Variants in NUP214 observed in about 807,000 individuals in gnomAD.
The protein encoded by NUP214 is nuclear pore complex protein Nup214.
Under a neutral mutation model 196.2 loss-of-function variants are expected in NUP214, and 79 were observed. That is an observed-to-expected ratio of 0.40 (90% CI 0.34 to 0.49). NUP214 has a LOEUF of 0.49. Ranked by LOEUF, NUP214 falls within the 20% of genes least tolerant of loss-of-function variation. The pLI is 0.58. For missense variants in NUP214, 2,468 were observed against 2,539.0 expected, an observed-to-expected ratio of 0.97 and a Z score of 0.60; for synonymous variants, 1,020 against 990.5, an observed-to-expected ratio of 1.03 and a Z score of -0.56.
chr9:131,229,319 G>GT (rs1834807875), intron 33 of NUP214: 1 of 174,374 alleles, frequency 5.7e-6, no homozygotes. Flanking sequence ...GATGCCTTAG[G>GT]TTTGCCCTCA....
chr9:131,220,436 G>A (rs1331217055), intron 31 of NUP214, among the ~76,000 whole-genome samples: 1 of 152,224 alleles, frequency 6.6e-6, no homozygotes, highest in Non-Finnish European at 1.5e-5. Context: ...AGCTCCTTGA[G>A]AGACTGTAAA....
chr9:131,130,018 G>A (rs995040203), intron 4 of NUP214, among the ~76,000 whole-genome samples: 1 of 151,052 alleles, frequency 6.6e-6, no homozygotes, highest in Non-Finnish European at 1.5e-5. Flanking sequence ...GTTTAGAAGT[G>A]TTTTTTGGGA....
rs528397802 is a variant in NUP214, at chr9:131,221,179, C to T, written c.5750-1599C>T. Among the ~76,000 whole-genome samples the T allele has an allele frequency of 3.3e-5, 5 of 152,256 alleles. 1 individual carries two copies. Among genetic ancestry groups the T allele is most frequent in the Admixed American group, 3.3e-4 (5 of 15,300 alleles). On this transcript the variant is annotated intron_variant, in intron 31 of 35. Transcript: ENST00000359428. ...GGGGAAGGTCAAACTGCTCAGAAGG[C>T]CATTTTGTGGGACTCCGTCAAGGGA...
intron 32 of NUP214, among the ~76,000 whole-genome samples, chr9:131,223,809 A>G (rs1834649043): frequency 1.5e-5 from 2 of 134,290 alleles, no homozygotes. Context: ...ATCTCGGCTC[A>G]CTGCAAGCTC....
intron 14 of NUP214, chr9:131,150,035 G>T: frequency 4.2e-6 from 1 of 240,414 alleles, no homozygotes; most frequent in Non-Finnish European, 8.3e-6. Context: ...ATGTTTCCCT[G>T]TTTGTTCTCC....
In NUP214 at chr9:131,195,223, C is replaced by T. The variant is rs766864208; in HGVS notation, c.3660-10C>T. The T allele has an allele frequency of 3.8e-6, 6 of 1,596,512 alleles. No homozygotes were observed. The highest frequency in any genetic ancestry group is 5.1e-6 in the Non-Finnish European group (6 of 1,169,896). On this transcript the variant is annotated splice_polypyrimidine_tract_variant and intron_variant, in intron 27 of 35. Transcript: ENST00000359428. ...TGTTCCTTTTTAATTTCTCTTTTTC[C>T]ACTTGTTAGGACTGGCTTTAATTTT...
In NUP214 at chr9:131,146,328, T is replaced by C. The variant is rs372666492; in HGVS notation, c.1945+24T>C. 106 of 1,608,404 alleles carry C rather than the reference T, an allele frequency of 6.6e-5. No homozygotes were observed. The African/African-American group carries it at 1.4e-3, about 21-fold the overall frequency. ...AGGTATGATTTTAAGCAGACAACTT[T>C]AGACCTCAGCCCTGCCTTCTCAGAT... is the stretch of plus-strand genomic sequence containing the variant. On this transcript the variant is annotated intron_variant, in intron 13 of 35. Coordinates refer to ENST00000359428, the MANE Select transcript of NUP214 (RefSeq NM_005085.4). This position sits in a 1 kb window ranked among gnomAD's most constrained non-coding sequence, Gnocchi z 4.6.
At chr9:131,216,643 C>G (rs1376972759) in intron 31 of NUP214, among the ~76,000 whole-genome samples, 1 of 151,518 alleles carries the variant, frequency 6.6e-6, no homozygotes, top group Admixed American at 6.6e-5. Context: ...TCTCCCAGCT[C>G]AGCTTCCCGA....
intron 17 of NUP214, among the ~76,000 whole-genome samples, chr9:131,156,997 G>A (rs1187748353): frequency 6.6e-6 from 1 of 151,848 alleles, no homozygotes; most frequent in South Asian, 2.1e-4. Flanking sequence ...ACAGAGTTTT[G>A]CTATGTAGCC....
At chr9:131,157,967 G>A (rs1487483327) in intron 17 of NUP214, among the ~76,000 whole-genome samples, 4 of 152,086 alleles carry the variant, frequency 2.6e-5, no homozygotes, top group Non-Finnish European at 5.9e-5. Context: ...ATTTTTAGTA[G>A]AGATGGGGTT....
intron 31 of NUP214, chr9:131,222,455 C>T (rs1834588609): frequency 4.6e-6 from 1 of 217,320 alleles, no homozygotes; most frequent in East Asian, 1.0e-4. Context: ...GCTGGGCAGT[C>T]TTGACACTTG....
intron 33 of NUP214, chr9:131,230,289 A>G (rs1340299813): frequency 1.7e-5 from 4 of 232,904 alleles, no homozygotes; most frequent in Non-Finnish European, 1.7e-5. Context: ...GAGAAATGCT[A>G]AAATGATAGA....
intron 13 of NUP214, among the ~76,000 whole-genome samples, chr9:131,147,022 GT>G (rs1004376573): frequency 4.0e-5 from 6 of 151,418 alleles, no homozygotes; most frequent in African/African-American, 1.5e-4. Flanking sequence ...GTTTTGTTTT[GT>G]TTTTTGAGAC....
Position 131,146,059 on chromosome 9 carries a change from C to A in NUP214, c.1770-70C>A. The A allele has an allele frequency of 1.5e-6, 2 of 1,337,276 alleles. No individual in the cohort carries two copies. Among genetic ancestry groups the A allele is most frequent in the Non-Finnish European group, 2.1e-6 (2 of 948,342 alleles). The allele number at this position is 1,337,276 out of a possible 1,614,324, so 82.8% of individuals were successfully genotyped here. On this transcript the variant is annotated intron_variant, in intron 12 of 35. Transcript: ENST00000359428. The surrounding 1 kb of genome is among the most constrained non-coding windows in gnomAD (Gnocchi z 4.6). ...AAGATAATAAGTTATCTTTTGATGA[C>A]ATTGCTCATGCTAGTGTAAAAGAAT...
chr9:131,223,632 G>A (rs2131096403), intron 32 of NUP214, among the ~76,000 whole-genome samples: 1 of 150,900 alleles, frequency 6.6e-6, no homozygotes, highest in Non-Finnish European at 1.5e-5. Context: ...CATTATTTGT[G>A]AGGGTCAAAG....
chr9:131,164,563 A>G (rs1204924379), intron 21 of NUP214: 2 of 155,856 alleles, frequency 1.3e-5, no homozygotes, highest in East Asian at 1.9e-4. Flanking sequence ...AAATAAATAA[A>G]TAATAGAAAA....
At chr9:131,182,726 CAT>C (rs2131014981) in intron 24 of NUP214, among the ~76,000 whole-genome samples, 1 of 152,200 alleles carries the variant, frequency 6.6e-6, no homozygotes, top group Admixed American at 6.5e-5. Context: ...TAATTATTGA[CAT>C]GTTTTGGTTT....
chr9:131,166,429 G>C (rs1588142708), intron 21 of NUP214, among the ~76,000 whole-genome samples: 1 of 152,118 alleles, frequency 6.6e-6, no homozygotes, highest in Non-Finnish European at 1.5e-5. Context: ...CCAATCAGTG[G>C]TAAATAAGAG....
At position 131,144,536 on chromosome 9, in the gene NUP214, A is replaced by ATCAACCTTC. The variant is rs750851100; in HGVS notation, c.1554_1562dup (p.Thr519_Ser521dup). ...CCAAAGCAGCCCCAGGCCCTGGCCC[A>ATCAACCTTC]TCAACCTTCTCTTTTGTTCCCCCTT... On this transcript the variant is annotated inframe_insertion, in exon 12 of 36. Coordinates refer to ENST00000359428, the MANE Select transcript of NUP214 (RefSeq NM_005085.4). 6.2e-7 allele frequency: 1 copy of ATCAACCTTC among 1,614,018 alleles called. No individual in the cohort carries two copies. Among genetic ancestry groups the ATCAACCTTC allele is most frequent in the Non-Finnish European group, 8.5e-7 (1 of 1,179,986 alleles).
Sources: allele counts gnomAD v4.1 joint callset (sites outside exome capture counted in the v4.1 genomes callset), GRCh38; gene constraint gnomAD v4.1.1; non-coding constraint Gnocchi (gnomAD v3.1); transcripts MANE v1.5; gene names NCBI Gene and HGNC (gene_info 2026-07-23, HGNC 2026-07-21).